Variants in GCH1 observed in about 807,000 individuals in gnomAD.
GCH1 encodes the protein GTP cyclohydrolase I.
In GCH1, 5 loss-of-function variants were observed where a neutral mutation model predicts 25.9. The observed-to-expected ratio is 0.19, with a 90% CI of 0.10 to 0.41. GCH1 has a LOEUF of 0.41. Ranked by LOEUF, GCH1 falls within the 10% of genes least tolerant of loss-of-function variation. The pLI is 1.00. For missense variants in GCH1, 261 were observed against 336.5 expected (o/e 0.78, Z 1.75); for synonymous variants, 159 against 129.6 (o/e 1.23, Z -1.54).
intron 1 of GCH1, among the ~76,000 whole-genome samples, chr14:54,900,201 GTTTTTTTGT>G (rs2040544010): frequency 1.3e-5 from 2 of 149,272 alleles, no homozygotes; most frequent in African/African-American, 2.5e-5. Flanking sequence ...GACCAGAACA[GTTTTTTTGT>G]TTTTTTTGTT....
In GCH1 at chr14:54,843,635, A is replaced by AG; in HGVS notation, c.*381_*382insC. The AG allele has an allele frequency of 2.7e-6, 4 of 1,506,302 alleles. No homozygotes were observed. Among genetic ancestry groups the AG allele is most frequent in the Non-Finnish European group, 3.5e-6 (4 of 1,132,866 alleles). The allele number at this position is 1,506,302 out of a possible 1,614,324, so 93.3% of individuals were successfully genotyped here. Reference sequence around the variant, plus strand: ...CACTTTTATTGGAGGAAGAAAAAAAACAGTATACTGGGCACAGTTCCCTCT... The same window carrying AG: ...CACTTTTATTGGAGGAAGAAAAAAAAGCAGTATACTGGGCACAGTTCCCTCT... On this transcript the variant is annotated 3_prime_UTR_variant, in exon 6 of 6. Coordinates refer to ENST00000491895, the MANE Select transcript of GCH1 (RefSeq NM_000161.3).
chr14:54,843,909 A>C lies in GCH1; in HGVS notation c.*108T>G. On this transcript the variant is annotated 3_prime_UTR_variant, in exon 6 of 6. Transcript: ENST00000491895. The stretch of plus-strand genomic sequence containing the variant: ...AAATATAATTAGTGACAAGGAATAA[A>C]GTTCACATCTGTAACAATTGAAAAT... The C allele has an allele frequency of 6.2e-7, 1 of 1,610,088 alleles. No individual in the cohort carries two copies. Among genetic ancestry groups the C allele is most frequent in the Non-Finnish European group, 8.5e-7 (1 of 1,176,972 alleles).
chr14:54,844,073 C>T lies in GCH1; in HGVS notation c.697G>A (p.Val233Met). 1 of 1,614,060 alleles carries T rather than the reference C, an allele frequency of 6.2e-7. No homozygotes were observed. The highest frequency in any genetic ancestry group is 1.3e-5 in the African/African-American group (1 of 75,056). Residue 233 changes from valine (V) to methionine (M), a missense_variant, in exon 6 of 6, where the codon GTG becomes ATG. Around this residue, in one of 3 missense-constraint regions of GCH1, gnomAD observed 130 missense variants for 184.1 expected, o/e 0.71. Coordinates refer to ENST00000491895, the MANE Select transcript of GCH1 (RefSeq NM_000161.3). ...SKTVTSTMLG[V>M]FREDPKTREE... ...CGAGTCTTTGGATCCTCCCGGAACA[C>T]ACCCAACATTGTGCTGGTCACAGTT...
At chr14:54,853,737 CAT>C (rs1491299768) in intron 3 of GCH1, among the ~76,000 whole-genome samples, 12 of 147,570 alleles carry the variant, frequency 8.1e-5, no homozygotes, top group Non-Finnish European at 2.9e-5. Flanking sequence ...ATTTGCCTAT[CAT>C]TTTTTTTTTT....
chr14:54,860,522 A>G (rs1344766039), intron 2 of GCH1, among the ~76,000 whole-genome samples: 1 of 148,680 alleles, frequency 6.7e-6, no homozygotes, highest in Non-Finnish European at 1.5e-5. Context: ...AAGCTGCTAG[A>G]GAGTGCACCA....
chr14:54,845,627 T>A, intron 5 of GCH1, 141 bp downstream of exon 5: 2 of 719,790 alleles, frequency 2.8e-6, no homozygotes, highest in Admixed American at 3.9e-5. Context: ...GTAAAAGAGC[T>A]TTAGGCTCAG....
intron 5 of GCH1, among the ~76,000 whole-genome samples, chr14:54,845,156 G>A (rs2039621556): frequency 6.6e-6 from 1 of 151,846 alleles, no homozygotes; most frequent in Non-Finnish European, 1.5e-5. Context: ...CTGGGTGAGA[G>A]AGCAAGACCC....
At chr14:54,863,246 C>T (rs913186033) in intron 2 of GCH1, among the ~76,000 whole-genome samples, 2 of 151,260 alleles carry the variant, frequency 1.3e-5, no homozygotes. Context: ...CGTGAAACCC[C>T]TTCTCTACTA....
chr14:54,857,668 A>C (rs889765931), intron 3 of GCH1, among the ~76,000 whole-genome samples: 1 of 152,250 alleles, frequency 6.6e-6, no homozygotes, highest in Admixed American at 6.5e-5. Context: ...TTATAAAACC[A>C]TAAGAATAAC....
intron 1 of GCH1, among the ~76,000 whole-genome samples, chr14:54,898,313 T>G (rs10149945): frequency 0.04 from 6,071 of 152,240 alleles, 432 homozygotes; most frequent in African/African-American, 0.14. Context: ...GGTATGTCTG[T>G]GTAGGGCACT....
chr14:54,862,059 T>G (rs1235708512), intron 2 of GCH1, among the ~76,000 whole-genome samples: 1 of 152,196 alleles, frequency 6.6e-6, no homozygotes, highest in Non-Finnish European at 1.5e-5. Context: ...GACAAGGTCT[T>G]GTTCTGTCAC....
rs149092325 is a variant in GCH1 at position 54,850,227 on chromosome 14, C to T, written c.510-3097G>A. 2.4e-3 allele frequency among the ~76,000 whole-genome samples: 360 copies of T among 152,172 alleles called. 1 individual carries two copies. Among genetic ancestry groups the T allele is most frequent in the African/African-American group, 8.0e-3 (334 of 41,510 alleles). Reference sequence around the variant, plus strand: ...GACCTCATGATCCGCCTGCCTTGGCCTCCCAAAGTGCTGGGATTAAAGGTG... The same window carrying T: ...GACCTCATGATCCGCCTGCCTTGGCTTCCCAAAGTGCTGGGATTAAAGGTG... On this transcript the variant is annotated intron_variant, in intron 3 of 5. Transcript: ENST00000491895.
At chr14:54,865,587 C>G in intron 1 of GCH1, 151 bp from the exon 2 acceptor site, 1 of 637,180 alleles carries the variant, frequency 1.6e-6, no homozygotes, top group Middle Eastern at 4.1e-4. Context: ...TTTTCCTTAT[C>G]AAAGTAGCAA....
At chr14:54,854,270 G>A (rs1041849921) in intron 3 of GCH1, among the ~76,000 whole-genome samples, 5 of 152,192 alleles carry the variant, frequency 3.3e-5, no homozygotes, top group African/African-American at 9.7e-5. Flanking sequence ...GCTCATGAGG[G>A]CAAACTGAAG....
At chr14:54,887,009 G>A (rs2040362231) in intron 1 of GCH1, among the ~76,000 whole-genome samples, 1 of 152,208 alleles carries the variant, frequency 6.6e-6, no homozygotes, top group Non-Finnish European at 1.5e-5. Flanking sequence ...GAGACTGCCA[G>A]AACCAAAGTG....
In GCH1 at chr14:54,902,550, C is replaced by T. The variant is rs2040585219; in HGVS notation, c.114G>A (p.Lys38=). 1 of 1,535,642 alleles carries T rather than the reference C, an allele frequency of 6.5e-7. No homozygotes were observed. The change falls in exon 1 of 6, where the codon AAG becomes AAA. Residue 38 remains lysine (K), a synonymous_variant. Transcript: ENST00000491895. The part of the protein sequence containing the change: ...PRPGPSRPAE[K]PPRPEAKSAQ... ...CGCTCTTGGCCTCGGGCCGCGGGGG[C>T]TTCTCCGCCGGCCTGCTGGGCCCGG...
Position 54,880,569 on chromosome 14 carries a change from C to CATATATATATATACTCCAT in GCH1, c.344-15134_344-15133insATGGAGTATATATATATAT, listed in dbSNP as rs369550067. ...ATATATACTCCATATATATATACTC[C>CATATATATATATACTCCAT]ATATATATATACTCCATATATATAT... On this transcript the variant is annotated intron_variant, in intron 1 of 5. Transcript: ENST00000491895. Among the ~76,000 whole-genome samples the CATATATATATATACTCCAT allele has an allele frequency of 8.3e-5, 2 of 24,136 alleles. 1 individual carries two copies. Among genetic ancestry groups the CATATATATATATACTCCAT allele is most frequent in the African/African-American group, 5.3e-4 (2 of 3,804 alleles). The allele number at this position is 24,136 out of a possible 152,430, so 15.8% of individuals were successfully genotyped here.
At chr14:54,900,209 G>GT (rs200691582) in intron 1 of GCH1, among the ~76,000 whole-genome samples, 1,607 of 149,264 alleles carry the variant, frequency 0.011, 21 homozygotes, top group African/African-American at 0.037. Flanking sequence ...CAGTTTTTTT[G>GT]TTTTTTTTGT....
At chr14:54,879,950 A>T (rs2040220057) in intron 1 of GCH1, among the ~76,000 whole-genome samples, 1 of 139,830 alleles carries the variant, frequency 7.2e-6, no homozygotes, top group Admixed American at 8.3e-5. Context: ...GCACCACAGC[A>T]CTCCAGCCTG....
Sources: gnomAD v4.1 joint callset for allele counts (sites outside exome capture counted in the v4.1 genomes callset) on GRCh38, gnomAD v4.1.1 for gene constraint, gnomAD v4.1.1 regional missense constraint, MANE v1.5 for transcripts, NCBI Gene and HGNC (gene_info 2026-07-23, HGNC 2026-07-21) for gene names.